Variants in ITFG1 observed in about 807,000 individuals in gnomAD.
The protein encoded by ITFG1 is integrin alpha FG-GAP repeat containing 1.
Under a neutral mutation model 81.8 loss-of-function variants are expected in ITFG1, and 34 were observed. The ratio of observed to expected loss-of-function variants is 0.42; its 90% CI spans 0.32 to 0.55. ITFG1 has a LOEUF of 0.55. ITFG1 is among the 20% of genes least tolerant of loss of function. ITFG1 has a pLI of 0.17. For missense variants in ITFG1, 672 were observed against 755.4 expected, an observed-to-expected ratio of 0.89 and a Z score of 1.29; for synonymous variants, 285 against 270.6, an observed-to-expected ratio of 1.05 and a Z score of -0.52.
intron 6 of ITFG1, among the ~76,000 whole-genome samples, chr16:47,407,003 C>T (rs1288667706): frequency 6.6e-6 from 1 of 151,966 alleles, no homozygotes; most frequent in African/African-American, 2.4e-5. Context: ...AGGCATCAAG[C>T]GGGAAAATAG....
chr16:47,345,325 G>C (rs1199521914), intron 8 of ITFG1, among the ~76,000 whole-genome samples: 1 of 149,992 alleles, frequency 6.7e-6, no homozygotes, highest in East Asian at 1.9e-4. Flanking sequence ...TTTTTAGACA[G>C]AGTCTCACTC....
chr16:47,357,441 C>T (rs1336187663), intron 8 of ITFG1, among the ~76,000 whole-genome samples: 1 of 151,668 alleles, frequency 6.6e-6, no homozygotes, highest in Non-Finnish European at 1.5e-5. Context: ...GGTGAAACCC[C>T]GTCTCTACTA....
chr16:47,406,737 A>C (rs985696488), intron 6 of ITFG1, among the ~76,000 whole-genome samples: 1 of 152,204 alleles, frequency 6.6e-6, no homozygotes, highest in Non-Finnish European at 1.5e-5. Flanking sequence ...AAGAAAAACT[A>C]AAGAAGGGTA....
chr16:47,175,721 G>T (rs570655241), intron 14 of ITFG1, among the ~76,000 whole-genome samples: 1 of 152,292 alleles, frequency 6.6e-6, no homozygotes, highest in East Asian at 1.9e-4. Context: ...CCCAGTCAAA[G>T]GTTCCAGCTA....
chr16:47,178,887 T>A (rs367953671), intron 14 of ITFG1, among the ~76,000 whole-genome samples: 2 of 151,200 alleles, frequency 1.3e-5, no homozygotes, highest in Non-Finnish European at 3.0e-5. Flanking sequence ...CAAGAAAAAA[T>A]CAAACAACCC....
chr16:47,155,799 C>T lies in ITFG1; in HGVS notation c.1780-21G>A, dbSNP rs367712366. On this transcript the variant is annotated intron_variant, in intron 17 of 17. Coordinates refer to ENST00000320640, the MANE Select transcript of ITFG1 (RefSeq NM_030790.5). Reference sequence around the variant, plus strand: ...GCTTTCTGAAAAAGAATTTTAGACTCGTTTATAAATGGTAGAAAGATGTTA... The same window carrying T: ...GCTTTCTGAAAAAGAATTTTAGACTTGTTTATAAATGGTAGAAAGATGTTA... The T allele has an allele frequency of 2.5e-5, 39 of 1,531,594 alleles. No homozygotes were observed. In the East Asian group the frequency reaches 5.2e-4, roughly 20 times the overall value. 94.9% of individuals were successfully genotyped at this position (1,531,594 alleles called of 1,614,324 possible).
intron 8 of ITFG1, among the ~76,000 whole-genome samples, chr16:47,349,247 T>C (rs1967911115): frequency 6.6e-6 from 1 of 152,166 alleles, no homozygotes; most frequent in Non-Finnish European, 1.5e-5. Context: ...AATGCTCCAA[T>C]TAAAAGGCAC....
intron 10 of ITFG1, among the ~76,000 whole-genome samples, chr16:47,286,116 C>T (rs1449102090): frequency 6.6e-6 from 1 of 152,084 alleles, no homozygotes; most frequent in Non-Finnish European, 1.5e-5. Context: ...GGAAACAGGA[C>T]AGCAGTAAAT....
rs377207090 is a variant in ITFG1, at chr16:47,398,764, T to C, written c.656-22824A>G. 7.2e-5 allele frequency among the ~76,000 whole-genome samples: 11 copies of C among 152,352 alleles called. No individual in the cohort carries two copies. The East Asian group carries it at 1.9e-3, about 27-fold the overall frequency. ...TATCACAATACCAAAAAGTCACTTA[T>C]TCCTTCTCTAGTGTACCAAATGAAG... On this transcript the variant is annotated intron_variant, in intron 6 of 17. Coordinates refer to ENST00000320640, the MANE Select transcript of ITFG1 (RefSeq NM_030790.5).
chr16:47,182,405 T>C (rs1405167847), intron 14 of ITFG1, among the ~76,000 whole-genome samples: 1 of 150,146 alleles, frequency 6.7e-6, no homozygotes. Flanking sequence ...AAAAAGAAAA[T>C]ATGGTATTAT....
intron 10 of ITFG1, among the ~76,000 whole-genome samples, chr16:47,277,672 G>A (rs891635237): frequency 6.6e-6 from 1 of 152,162 alleles, no homozygotes; most frequent in Admixed American, 6.5e-5. Context: ...AACTATTCAC[G>A]TTTGGCTACT....
At chr16:47,178,764 G>C (rs1965061572) in intron 14 of ITFG1, among the ~76,000 whole-genome samples, 1 of 152,122 alleles carries the variant, frequency 6.6e-6, no homozygotes, top group Non-Finnish European at 1.5e-5. Flanking sequence ...CACAGCAAAA[G>C]AAACTACCAT....
intron 10 of ITFG1, among the ~76,000 whole-genome samples, chr16:47,300,336 G>C (rs192967511): frequency 6.6e-4 from 100 of 152,262 alleles, no homozygotes; most frequent in Non-Finnish European, 5.3e-4. Context: ...TGAAGTATGA[G>C]GTGTGCTTGA....
chr16:47,437,615 T>A (rs367581836), intron 5 of ITFG1, among the ~76,000 whole-genome samples: 1 of 152,214 alleles, frequency 6.6e-6, no homozygotes, highest in African/African-American at 2.4e-5. Flanking sequence ...CTGCTGAAGC[T>A]GGGTGACAGG....
intron 8 of ITFG1, among the ~76,000 whole-genome samples, chr16:47,340,633 T>C (rs1473095378): frequency 6.6e-6 from 1 of 151,956 alleles, no homozygotes; most frequent in African/African-American, 2.4e-5. Context: ...AAAAGACATA[T>C]AGAAAACAAA....
At chr16:47,365,518 A>G (rs1175630678) in intron 8 of ITFG1, 1 of 329,020 alleles carries the variant, frequency 3.0e-6, no homozygotes, top group African/African-American at 2.1e-5. Context: ...ATTCTCTAGA[A>G]AAAGTCTCAG....
chr16:47,218,229 A>G (rs575053930), intron 14 of ITFG1: 4 of 152,338 alleles, frequency 2.6e-5, no homozygotes, highest in African/African-American at 9.6e-5. Flanking sequence ...TCTTAAAAGA[A>G]GCATATTCAG....
At chr16:47,271,116 T>TA (rs1966334553) in intron 10 of ITFG1, among the ~76,000 whole-genome samples, 2 of 151,994 alleles carry the variant, frequency 1.3e-5, no homozygotes, top group South Asian at 4.1e-4. Flanking sequence ...CAAATAAAAA[T>TA]AACAAAAATA....
Position 47,353,047 on chromosome 16 carries a change from C to T in ITFG1, c.802+12741G>A, listed in dbSNP as rs141231129. 7.1e-5 allele frequency among the ~76,000 whole-genome samples: 10 copies of T among 141,202 alleles called. No individual in the cohort carries two copies. The East Asian group carries it at 2.1e-3, about 30-fold the overall frequency. The allele number at this position is 141,202 out of a possible 152,430, so 92.6% of individuals were successfully genotyped here. ...ACACAGGAAGGGGAATATCACACAC[C>T]GGGGCCTGTTGTGGGGTAGGGTGAG... On this transcript the variant is annotated intron_variant, in intron 8 of 17. Coordinates refer to ENST00000320640, the MANE Select transcript of ITFG1 (RefSeq NM_030790.5).
Sources: gnomAD v4.1 joint callset for allele counts (sites outside exome capture counted in the v4.1 genomes callset) on GRCh38, gnomAD v4.1.1 for gene constraint, MANE v1.5 for transcripts, NCBI Gene and HGNC (gene_info 2026-07-23, HGNC 2026-07-21) for gene names.